Variants in ACTN2 observed in about 807,000 individuals in gnomAD.
The protein encoded by ACTN2 is actinin alpha 2, also known as alpha-actinin-2.
ACTN2 carries 39 observed loss-of-function variants against 113.8 expected under a neutral mutation model. The observed-to-expected ratio is 0.34, with a 90% CI of 0.27 to 0.45. The LOEUF (loss-of-function observed/expected upper bound fraction) is 0.45, where lower values mean the gene tolerates loss of function less well. ACTN2 is among the 20% of genes least tolerant of loss of function. The pLI is 1.00. For synonymous variants in ACTN2, 429 were observed against 444.1 expected (o/e 0.97, Z 0.43); for missense variants, 992 against 1,177.9 (o/e 0.84, Z 2.31).
At chr1:236,711,890 G>T (rs1187090558) in intron 1 of ACTN2, among the ~76,000 whole-genome samples, 1 of 152,218 alleles carries the variant, frequency 6.6e-6, no homozygotes, top group African/African-American at 2.4e-5. Context: ...TGTCAGGGCA[G>T]CTTCTGGATT....
Position 236,699,258 on chromosome 1 carries a change from A to G in ACTN2, c.126+12459A>G, listed in dbSNP as rs539534430. Among the ~76,000 whole-genome samples, 4 of 152,288 alleles carry G rather than the reference A, an allele frequency of 2.6e-5. No individual in the cohort carries two copies. In the East Asian group the frequency reaches 7.7e-4, roughly 29 times the overall value. On this transcript the variant is annotated intron_variant, in intron 1 of 20. Coordinates refer to ENST00000366578, the MANE Select transcript of ACTN2 (RefSeq NM_001103.4). Reference sequence around the variant, plus strand: ...AAACCTCCTACCTTTGTGGAAGGGCATATGTGTGTGTGTGAATTTTTTAAT... The same window carrying G: ...AAACCTCCTACCTTTGTGGAAGGGCGTATGTGTGTGTGTGAATTTTTTAAT...
intron 7 of ACTN2, among the ~76,000 whole-genome samples, chr1:236,732,499 G>A (rs1658741484): frequency 6.6e-6 from 1 of 151,730 alleles, no homozygotes; most frequent in Non-Finnish European, 1.5e-5. Context: ...CTGGAGTGCA[G>A]TGGTGGGATC....
At chr1:236,741,674 G>A (rs561172585) in intron 10 of ACTN2, among the ~76,000 whole-genome samples, 22 of 152,012 alleles carry the variant, frequency 1.4e-4, no homozygotes, top group Non-Finnish European at 2.9e-4. Flanking sequence ...TTACCTCCAC[G>A]GCCACTGGCC....
chr1:236,686,614 C>A lies in ACTN2; in HGVS notation c.-60C>A. 4 of 1,501,814 alleles carry A rather than the reference C, an allele frequency of 2.7e-6. No homozygotes were observed. The highest frequency in any genetic ancestry group is 3.6e-6 in the Non-Finnish European group (4 of 1,123,302). The allele number at this position is 1,501,814 out of a possible 1,614,324, so 93.0% of individuals were successfully genotyped here. A position where few individuals can be genotyped will look rare whatever the true frequency, so the allele number is the denominator to read the frequency against. On this transcript the variant is annotated 5_prime_UTR_variant, in exon 1 of 21. Coordinates refer to ENST00000366578, the MANE Select transcript of ACTN2 (RefSeq NM_001103.4). Reference sequence around the variant, plus strand: ...CCGCCGCCTCCGTGGGTCCGTTTGCCAGTCAGCCCGTGCGTCCGAGCCCCT... The same window carrying A: ...CCGCCGCCTCCGTGGGTCCGTTTGCAAGTCAGCCCGTGCGTCCGAGCCCCT...
chr1:236,745,240 C>A (rs1659191653), intron 12 of ACTN2, among the ~76,000 whole-genome samples: 1 of 152,120 alleles, frequency 6.6e-6, no homozygotes, highest in African/African-American at 2.4e-5. Flanking sequence ...CGAGACCATC[C>A]TGGCTAACAC....
intron 19 of ACTN2, among the ~76,000 whole-genome samples, chr1:236,760,415 G>A (rs1659672464): frequency 1.3e-5 from 2 of 152,164 alleles, no homozygotes; most frequent in South Asian, 4.1e-4. Context: ...ATACTTCAGT[G>A]GCTTTTAGTA....
chr1:236,689,348 T>C (rs1224841864), intron 1 of ACTN2, among the ~76,000 whole-genome samples: 26 of 140,778 alleles, frequency 1.8e-4, no homozygotes, highest in African/African-American at 6.6e-4. Context: ...TACACACACA[T>C]ATGTATATTT....
intron 1 of ACTN2, among the ~76,000 whole-genome samples, chr1:236,715,891 GA>G (rs1658190637): frequency 6.6e-6 from 1 of 152,184 alleles, no homozygotes; most frequent in African/African-American, 2.4e-5. Context: ...GGGAGGCGGA[GA>G]TTGCGGTGAG....
In ACTN2 at chr1:236,762,582, C is replaced by T. The variant is rs769564893; in HGVS notation, c.2648C>T (p.Ala883Val). 1.3e-5 allele frequency: 21 copies of T among 1,614,040 alleles called. No individual in the cohort carries two copies. The highest frequency in any genetic ancestry group is 1.6e-4 in the Middle Eastern group (1 of 6,084). Residue 883 changes from alanine to valine, a missense_variant, in exon 21 of 21, where the codon GCG becomes GTG. By Grantham distance (64) the Ala-to-Val change is moderately conservative. This residue lies in a region of ACTN2 where 736 missense variants were observed against 815.4 expected (regional missense o/e 0.90). Coordinates refer to ENST00000366578, the MANE Select transcript of ACTN2 (RefSeq NM_001103.4). ...GSVPGALDYA[A>V]FSSALYGESD... ...GTGCCTGGTGCACTGGATTACGCTGCGTTCTCTTCCGCACTCTACGGGGAG... is the reference window on the plus strand; with the variant it reads ...GTGCCTGGTGCACTGGATTACGCTGTGTTCTCTTCCGCACTCTACGGGGAG...
At chr1:236,707,932 G>A (rs1269955833) in intron 1 of ACTN2, among the ~76,000 whole-genome samples, 3 of 151,570 alleles carry the variant, frequency 2.0e-5, no homozygotes, top group Non-Finnish European at 2.9e-5. Flanking sequence ...GGCTGGTCTC[G>A]AACTCCTAGA....
rs886046208 is a variant in ACTN2, at chr1:236,763,505, T to G, written c.*886T>G. The G allele has an allele frequency of 6.6e-6, 1 of 152,218 alleles. No individual in the cohort carries two copies. Among genetic ancestry groups the G allele is most frequent in the Non-Finnish European group, 1.5e-5 (1 of 68,054 alleles). The allele number at this position is 152,218 out of a possible 1,614,324, so 9.4% of individuals were successfully genotyped here. ...AGCAGGTTTCTGTAGTACTGACTGGTTCATCACAAGGCAAGTCAGAAACCA... is the reference window on the plus strand; with the variant it reads ...AGCAGGTTTCTGTAGTACTGACTGGGTCATCACAAGGCAAGTCAGAAACCA... On this transcript the variant is annotated 3_prime_UTR_variant, in exon 21 of 21. Transcript: ENST00000366578.
chr1:236,727,671 T>C lies in ACTN2; in HGVS notation c.537-7T>C. The C allele has an allele frequency of 6.2e-7, 1 of 1,614,168 alleles. No individual in the cohort carries two copies. Among genetic ancestry groups the C allele is most frequent in the Non-Finnish European group, 8.5e-7 (1 of 1,179,990 alleles). On this transcript the variant is annotated splice_polypyrimidine_tract_variant and splice_region_variant and intron_variant, in intron 5 of 20. Coordinates refer to ENST00000366578, the MANE Select transcript of ACTN2 (RefSeq NM_001103.4). The stretch of plus-strand genomic sequence containing the variant: ...ACGTGTTCCTGTTCTTCTCGACGGC[T>C]GTGAAGCTGGAAAGATGGCCTTGGA...
chr1:236,761,221 C>T, intron 20 of ACTN2, 48 bp downstream of exon 20: 3 of 1,608,736 alleles, frequency 1.9e-6, no homozygotes, highest in Non-Finnish European at 2.6e-6. Context: ...TCCACTACAT[C>T]CTTCTAACAA....
intron 14 of ACTN2, among the ~76,000 whole-genome samples, chr1:236,750,713 A>G (rs572935192): frequency 6.6e-6 from 1 of 152,266 alleles, no homozygotes; most frequent in Admixed American, 6.5e-5. Flanking sequence ...ATAGGGATGT[A>G]CTTCCTGGTT....
At chr1:236,696,180 G>A (rs376095147) in intron 1 of ACTN2, among the ~76,000 whole-genome samples, 38 of 152,036 alleles carry the variant, frequency 2.5e-4, no homozygotes, top group Middle Eastern at 3.4e-3. Flanking sequence ...GGTGGTATGC[G>A]CCTGTAATCC....
At chr1:236,729,590 C>G (rs1273332858) in intron 6 of ACTN2, among the ~76,000 whole-genome samples, 1 of 152,150 alleles carries the variant, frequency 6.6e-6, no homozygotes, top group Non-Finnish European at 1.5e-5. Flanking sequence ...CCTCCTGCCC[C>G]CAGCCTGCCT....
chr1:236,703,364 G>A (rs973789929), intron 1 of ACTN2, among the ~76,000 whole-genome samples: 1 of 151,530 alleles, frequency 6.6e-6, no homozygotes, highest in African/African-American at 2.4e-5. Flanking sequence ...CAGGCTCCTG[G>A]CTTAGAAAAT....
At chr1:236,718,827 G>A (rs1361094322) in intron 2 of ACTN2, 67 bp from the exon 3 acceptor site, 1 of 1,609,270 alleles carries the variant, frequency 6.2e-7, no homozygotes, top group East Asian at 2.2e-5. Context: ...GCTTAGTTTT[G>A]GCATCTTGAT....
At position 236,686,515 on chromosome 1, in the gene ACTN2, C is replaced by T. The variant is rs886046201; in HGVS notation, c.-159C>T. 2.5e-6 allele frequency: 2 copies of T among 798,658 alleles called. No individual in the cohort carries two copies. Among genetic ancestry groups the T allele is most frequent in the Non-Finnish European group, 3.3e-6 (2 of 600,230 alleles). The allele number at this position is 798,658 out of a possible 1,614,324, so 49.5% of individuals were successfully genotyped here. ...CTCGCAGCCGGAGCTGGTGCTTCGC[C>T]CGAGACCCAGCGCCCAGGCGTGTCG... On this transcript the variant is annotated 5_prime_UTR_variant, in exon 1 of 21. Transcript: ENST00000366578.
Sources: allele counts gnomAD v4.1 joint callset (sites outside exome capture counted in the v4.1 genomes callset), GRCh38; gene constraint gnomAD v4.1.1; regional missense constraint gnomAD v4.1.1; transcripts MANE v1.5; gene names NCBI Gene and HGNC (gene_info 2026-07-23, HGNC 2026-07-21).